The following SIPA1L2 variants were observed in gnomAD, a reference collection of about 807,000 sequenced individuals.
SIPA1L2 encodes signal-induced proliferation-associated 1-like protein 2.
Under a neutral mutation model 163.9 loss-of-function variants are expected in SIPA1L2, and 56 were observed. The observed-to-expected ratio is 0.34, with a 90% CI of 0.28 to 0.43. SIPA1L2 has a LOEUF of 0.43. Among genes scored for constraint, SIPA1L2 ranks in the 20% least tolerant of loss-of-function variants. The probability of loss-of-function intolerance (pLI) is 1.00; values close to 1 mark genes in which losing one functional copy is unlikely to be tolerated. For missense variants in SIPA1L2, 1,974 were observed against 2,193.5 expected, an observed-to-expected ratio of 0.90 and a Z score of 2.00; for synonymous variants, 877 against 865.7, an observed-to-expected ratio of 1.01 and a Z score of -0.23.
chr1:232,462,760 G>T (rs142558982), intron 9 of SIPA1L2, among the ~76,000 whole-genome samples: 96 of 152,276 alleles, frequency 6.3e-4, no homozygotes, highest in African/African-American at 2.3e-3. Context: ...ATATCAATGC[G>T]ATTATCAGGT....
intron 11 of SIPA1L2, among the ~76,000 whole-genome samples, chr1:232,444,749 T>C (rs1015708671): frequency 6.6e-6 from 1 of 152,170 alleles, no homozygotes; most frequent in Non-Finnish European, 1.5e-5. Context: ...AGAGGATGAG[T>C]ACCAGGCCTA....
At chr1:232,600,060 C>A (rs1050893635) in intron 1 of SIPA1L2, among the ~76,000 whole-genome samples, 3 of 152,178 alleles carry the variant, frequency 2.0e-5, no homozygotes, top group Non-Finnish European at 4.4e-5. Flanking sequence ...GAGTTTAGTG[C>A]CTTTCTGGAG....
At chr1:232,444,424 T>C (rs1663083619) in intron 11 of SIPA1L2, among the ~76,000 whole-genome samples, 1 of 152,166 alleles carries the variant, frequency 6.6e-6, no homozygotes, top group Non-Finnish European at 1.5e-5. Flanking sequence ...GTACATTTCT[T>C]TGAATATGGG....
intron 8 of SIPA1L2, among the ~76,000 whole-genome samples, chr1:232,469,558 C>T (rs1386372202): frequency 1.3e-5 from 2 of 152,062 alleles, no homozygotes; most frequent in Admixed American, 6.5e-5. Flanking sequence ...TGAGGCACTT[C>T]CAAAAATGTT....
rs145059674 is a variant in SIPA1L2 at position 232,575,877 on chromosome 1, T to C, written c.-318-1655A>G. On this transcript the variant is annotated intron_variant, in intron 1 of 22. Coordinates refer to ENST00000674635, the MANE Select transcript of SIPA1L2 (RefSeq NM_020808.5). The stretch of plus-strand genomic sequence containing the variant: ...GCAAAGTCTCACACAAACTACAACA[T>C]AGAAGAACCCTGAAGATACCACGCT... 6.4e-3 allele frequency among the ~76,000 whole-genome samples: 975 copies of C among 152,196 alleles called. 23 individuals carry two copies. Among genetic ancestry groups the C allele is most frequent in the Admixed American group, 0.028 (423 of 15,298 alleles).
intron 4 of SIPA1L2, 74 bp from the exon 5 acceptor site, chr1:232,491,136 GCCT>G: frequency 2.2e-6 from 3 of 1,352,820 alleles, no homozygotes; most frequent in Non-Finnish European, 3.0e-6. Context: ...CTGTTTGGCT[GCCT>G]TAAGACAGGA....
intron 8 of SIPA1L2, among the ~76,000 whole-genome samples, chr1:232,466,058 C>T (rs544210303): frequency 1.8e-4 from 27 of 152,172 alleles, no homozygotes; most frequent in Non-Finnish European, 3.7e-4. Flanking sequence ...TACGGCAGTG[C>T]TACCAAACTA....
chr1:232,623,440 CT>C (rs1292062219), intron 1 of SIPA1L2, among the ~76,000 whole-genome samples: 1 of 151,982 alleles, frequency 6.6e-6, no homozygotes, highest in Non-Finnish European at 1.5e-5. Context: ...TCCGTCTCTA[CT>C]AAAAATACAA....
intron 19 of SIPA1L2, among the ~76,000 whole-genome samples, chr1:232,414,784 C>A (rs1468277942): frequency 6.6e-6 from 1 of 152,170 alleles, no homozygotes; most frequent in Non-Finnish European, 1.5e-5. Flanking sequence ...ATCCCGAGGG[C>A]CCCAGGTTTA....
intron 1 of SIPA1L2, among the ~76,000 whole-genome samples, chr1:232,629,467 G>A (rs1306974630): frequency 6.6e-6 from 1 of 152,236 alleles, no homozygotes; most frequent in Non-Finnish European, 1.5e-5. Flanking sequence ...AGCAAGTTCG[G>A]CGTCAGCTGG....
chr1:232,529,329 C>T (rs1303179733), intron 2 of SIPA1L2, among the ~76,000 whole-genome samples: 1 of 152,190 alleles, frequency 6.6e-6, no homozygotes, highest in Non-Finnish European at 1.5e-5. Context: ...TCTAACTTTC[C>T]TCTAAAACTT....
rs567316247 is a variant in SIPA1L2, at chr1:232,529,597, C to T, written c.-269-13989G>A. Reference sequence around the variant, plus strand: ...CCTGCTAAGATTTCCTGCTGTTGTTCTTGGCTCATGCTAGCTAAGATAATG... The same window carrying T: ...CCTGCTAAGATTTCCTGCTGTTGTTTTTGGCTCATGCTAGCTAAGATAATG... On this transcript the variant is annotated intron_variant, in intron 2 of 22. Coordinates refer to ENST00000674635, the MANE Select transcript of SIPA1L2 (RefSeq NM_020808.5). 8.5e-5 allele frequency among the ~76,000 whole-genome samples: 13 copies of T among 152,226 alleles called. No homozygotes were observed. The South Asian group carries it at 2.5e-3, about 29-fold the overall frequency.
At chr1:232,528,102 A>ATATATATATATATATATATAT (rs34779799) in intron 2 of SIPA1L2, among the ~76,000 whole-genome samples, 164 of 118,372 alleles carry the variant, frequency 1.4e-3, no homozygotes, top group African/African-American at 2.6e-3. Flanking sequence ...ATATATATAT[A>ATATATATATATATATATATAT]ATCAACTTTC....
intron 2 of SIPA1L2, among the ~76,000 whole-genome samples, chr1:232,524,281 G>A (rs1472820167): frequency 6.6e-6 from 1 of 152,114 alleles, no homozygotes; most frequent in African/African-American, 2.4e-5. Flanking sequence ...AGTCATAGAA[G>A]AAATGAAGTT....
chr1:232,543,699 C>T (rs1657834290), intron 2 of SIPA1L2, among the ~76,000 whole-genome samples: 1 of 152,046 alleles, frequency 6.6e-6, no homozygotes, highest in Non-Finnish European at 1.5e-5. Flanking sequence ...CAGGCCCTAC[C>T]TTTACAAAAA....
chr1:232,523,207 C>T (rs1224046914), intron 2 of SIPA1L2, among the ~76,000 whole-genome samples: 2 of 152,088 alleles, frequency 1.3e-5, no homozygotes, highest in Admixed American at 6.5e-5. Flanking sequence ...TTCTGTAAGT[C>T]AAAAATAGAA....
intron 2 of SIPA1L2, among the ~76,000 whole-genome samples, chr1:232,556,555 A>G (rs2102732895): frequency 6.6e-6 from 1 of 152,324 alleles, no homozygotes; most frequent in South Asian, 2.1e-4. Flanking sequence ...CCGTTCAGAT[A>G]TGGAGAAACC....
At chr1:232,611,403 G>C (rs991754897) in intron 1 of SIPA1L2, among the ~76,000 whole-genome samples, 3 of 152,160 alleles carry the variant, frequency 2.0e-5, no homozygotes, top group African/African-American at 7.2e-5. Flanking sequence ...AGTTTGGAGG[G>C]CTCAGAAGAG....
At chr1:232,492,836 G>A (rs1279897819) in intron 4 of SIPA1L2, among the ~76,000 whole-genome samples, 2 of 152,182 alleles carry the variant, frequency 1.3e-5, no homozygotes, top group Non-Finnish European at 2.9e-5. Context: ...TGTCTCAGAT[G>A]AGACTTTGTT....
Sources: gnomAD v4.1 joint callset for allele counts (sites outside exome capture counted in the v4.1 genomes callset) on GRCh38, gnomAD v4.1.1 for gene constraint, MANE v1.5 for transcripts, NCBI Gene and HGNC (gene_info 2026-07-23, HGNC 2026-07-21) for gene names.